KANK1: variants seen among roughly 807,000 people sequenced by gnomAD.
The protein encoded by KANK1 is KN motif and ankyrin repeat domains 1.
KANK1 carries 109 observed loss-of-function variants against 106.2 expected under a neutral mutation model. The observed-to-expected ratio is 1.03, with a 90% CI of 0.88 to 1.20. The LOEUF (loss-of-function observed/expected upper bound fraction) is 1.20. Among genes scored for constraint, KANK1 ranks in the 50% most tolerant of loss-of-function variants. The probability of loss-of-function intolerance (pLI) is 0.00; values close to 1 mark genes in which losing one functional copy is unlikely to be tolerated. For missense variants in KANK1, 2,399 were observed against 1,710.7 expected, an observed-to-expected ratio of 1.40 and a Z score of -7.10; for synonymous variants, 873 against 652.2, an observed-to-expected ratio of 1.34 and a Z score of -5.16.
At chr9:483,589 A>AAGTT (rs1376700705) in intron 3 of KANK1, among the ~76,000 whole-genome samples, 4 of 152,228 alleles carry the variant, frequency 2.6e-5, no homozygotes, top group Admixed American at 1.3e-4. Context: ...TGCAAGGGTT[A>AAGTT]AGTTAGATGG....
chr9:654,418 T>C (rs1026940774), intron 1 of KANK1, among the ~76,000 whole-genome samples: 18 of 152,212 alleles, frequency 1.2e-4, no homozygotes, highest in African/African-American at 4.1e-4. Flanking sequence ...TGGGAGAATC[T>C]TGGAATAGTA....
At chr9:709,610 CTTTTTT>C (rs60899850) in intron 2 of KANK1, among the ~76,000 whole-genome samples, 2 of 137,028 alleles carry the variant, frequency 1.5e-5, no homozygotes, top group Admixed American at 1.5e-4. Context: ...GCTTTCATGT[CTTTTTT>C]TTTTTTTTTT....
intron 1 of KANK1, among the ~76,000 whole-genome samples, chr9:610,928 C>T (rs1046567446): frequency 1.3e-5 from 2 of 152,138 alleles, no homozygotes; most frequent in African/African-American, 4.8e-5. Context: ...CGTCCCCAGT[C>T]CCGTAGAAGA....
intron 3 of KANK1, among the ~76,000 whole-genome samples, chr9:718,296 G>GTTTT (rs1828286236): frequency 1.1e-5 from 1 of 89,844 alleles, no homozygotes; most frequent in African/African-American, 3.5e-5. Context: ...AACTTGCTGT[G>GTTTT]TCTTTTTTTT....
At chr9:537,774 G>A (rs534668368) in intron 1 of KANK1, among the ~76,000 whole-genome samples, 33 of 152,300 alleles carry the variant, frequency 2.2e-4, no homozygotes, top group Middle Eastern at 3.4e-3. Context: ...TGGCATCTAG[G>A]GAGTAGAGGC....
chr9:646,604 T>A (rs1839722432), intron 1 of KANK1, among the ~76,000 whole-genome samples: 1 of 150,880 alleles, frequency 6.6e-6, no homozygotes, highest in Non-Finnish European at 1.5e-5. Context: ...TTTTCAATCA[T>A]ATTATTGTAT....
intron 1 of KANK1, among the ~76,000 whole-genome samples, chr9:513,124 C>G (rs545021124): frequency 1.4e-4 from 22 of 152,352 alleles, no homozygotes; most frequent in Admixed American, 7.2e-4. Flanking sequence ...AGTGTGTCCT[C>G]TTTGTGAGCC....
intron 3 of KANK1, chr9:478,043 C>G (rs2058136294): frequency 1.2e-5 from 2 of 172,388 alleles, no homozygotes; most frequent in Admixed American, 1.2e-4. Flanking sequence ...ATGAAACTGA[C>G]CATTCAGAAC....
In KANK1 at chr9:740,851, C is replaced by T. The variant is rs1180229883; in HGVS notation, c.3613C>T (p.Leu1205Phe). ...AGYTPIMLAALAAVEAEKDMR... is the reference protein window; with the variant it reads ...AGYTPIMLAAFAAVEAEKDMR... ...CTACACCCCCATCATGTTGGCGGCC[C>T]TCGCCGCTGTGGAAGCAGAGAAGGA... The change falls in exon 9 of 12, where the codon CTC (leucine) becomes TTC (phenylalanine). Residue 1205 changes from leucine to phenylalanine, a missense_variant. Coordinates refer to ENST00000382297, the MANE Select transcript of KANK1 (RefSeq NM_015158.5). 6.2e-7 allele frequency: 1 copy of T among 1,613,904 alleles called. No individual in the cohort carries two copies. Among genetic ancestry groups the T allele is most frequent in the Non-Finnish European group, 8.5e-7 (1 of 1,179,960 alleles).
intron 1 of KANK1, among the ~76,000 whole-genome samples, chr9:508,781 A>G (rs985803121): frequency 1.4e-5 from 2 of 146,256 alleles, no homozygotes; most frequent in Admixed American, 6.6e-5. Flanking sequence ...CAATTTATCA[A>G]TTTTTAGGTT....
chr9:641,306 A>T (rs1344381175), intron 1 of KANK1, among the ~76,000 whole-genome samples: 2 of 152,212 alleles, frequency 1.3e-5, no homozygotes, highest in African/African-American at 2.4e-5. Context: ...TAAACAAATA[A>T]AAGTCTTTTA....
At chr9:639,635 C>T (rs1019761424) in intron 1 of KANK1, among the ~76,000 whole-genome samples, 1 of 152,168 alleles carries the variant, frequency 6.6e-6, no homozygotes, top group African/African-American at 2.4e-5. Flanking sequence ...GATGATTTAC[C>T]AAACAGTGCC....
At chr9:559,169 T>G (rs1056337841) in intron 1 of KANK1, among the ~76,000 whole-genome samples, 1 of 152,182 alleles carries the variant, frequency 6.6e-6, no homozygotes, top group Non-Finnish European at 1.5e-5. Context: ...TTTGTCACCT[T>G]CTTGTGAGTT....
At chr9:695,310 C>T (rs745877) in intron 2 of KANK1, among the ~76,000 whole-genome samples, 114,601 of 151,980 alleles carry the variant, frequency 0.75, 43,345 homozygotes, top group Middle Eastern at 0.83. Context: ...CTCACCTTTG[C>T]CCTCATGTTG....
chr9:564,208 C>T (rs964461456), intron 1 of KANK1, among the ~76,000 whole-genome samples: 2 of 151,884 alleles, frequency 1.3e-5, no homozygotes, highest in Admixed American at 6.6e-5. Flanking sequence ...TACAGACGCC[C>T]GCCACCACGC....
At chr9:722,558 T>C (rs1228488957) in intron 3 of KANK1, among the ~76,000 whole-genome samples, 2 of 152,232 alleles carry the variant, frequency 1.3e-5, no homozygotes, top group East Asian at 1.9e-4. Context: ...CAGTCTTACA[T>C]TGGTGCATGC....
intron 1 of KANK1, among the ~76,000 whole-genome samples, chr9:519,968 TAAAAC>T (rs1236087666): frequency 6.6e-6 from 1 of 151,812 alleles, no homozygotes; most frequent in African/African-American, 2.4e-5. Flanking sequence ...CTCAGTGACT[TAAAAC>T]AATACATTTT....
intron 1 of KANK1, among the ~76,000 whole-genome samples, chr9:557,188 GAAA>G (rs35320012): frequency 1.4e-4 from 16 of 113,488 alleles, no homozygotes; most frequent in South Asian, 2.7e-4. Flanking sequence ...GTCTCAAAAG[GAAA>G]AAAAAAAAAA....
intron 7 of KANK1, among the ~76,000 whole-genome samples, chr9:735,214 A>T (rs771501692): frequency 5.9e-5 from 9 of 152,174 alleles, no homozygotes; most frequent in Non-Finnish European, 8.8e-5. Context: ...TTAAGTTAGC[A>T]TATGTTTTTA....
Sources: gnomAD v4.1 joint callset for allele counts (sites outside exome capture counted in the v4.1 genomes callset) on GRCh38, gnomAD v4.1.1 for gene constraint, MANE v1.5 for transcripts, NCBI Gene and HGNC (gene_info 2026-07-23, HGNC 2026-07-21) for gene names.